The following CDH4 variants were observed in gnomAD, a reference collection of about 807,000 sequenced individuals.
CDH4 encodes cadherin 4.
Under a neutral mutation model 86.0 loss-of-function variants are expected in CDH4, and 33 were observed. The ratio of observed to expected loss-of-function variants is 0.38; its 90% CI spans 0.29 to 0.51. The LOEUF is 0.51. Among genes scored for constraint, CDH4 ranks in the 20% least tolerant of loss-of-function variants. The pLI is 0.86. For missense variants in CDH4, 1,114 were observed against 1,307.4 expected (o/e 0.85, Z 2.28); for synonymous variants, 555 against 549.4 (o/e 1.01, Z -0.14).
At chr20:61,621,954 G>A (rs1372662510) in intron 2 of CDH4, among the ~76,000 whole-genome samples, 1 of 152,184 alleles carries the variant, frequency 6.6e-6, no homozygotes, top group African/African-American at 2.4e-5. Context: ...TCCTGTCAAA[G>A]CTCTGTGTTC....
In CDH4 at chr20:61,516,180, G is replaced by A. The variant is rs1032501152; in HGVS notation, c.170-227383G>A. 1.3e-5 allele frequency among the ~76,000 whole-genome samples: 2 copies of A among 152,164 alleles called. No homozygotes were observed. Among genetic ancestry groups the A allele is most frequent in the Non-Finnish European group, 2.9e-5 (2 of 68,022 alleles). On this transcript the variant is annotated intron_variant, in intron 2 of 15. Coordinates refer to ENST00000614565, the MANE Select transcript of CDH4 (RefSeq NM_001794.5). This position sits in a 1 kb window ranked among gnomAD's most constrained non-coding sequence, Gnocchi z 4.0. ...TGGGCCGTGGGCCGGAGGGGACGCT[G>A]GCCACCTCTCTTACCCTAGAAGCTG...
intron 2 of CDH4, among the ~76,000 whole-genome samples, chr20:61,312,096 A>ATG (rs1717363171): frequency 1.3e-5 from 2 of 148,752 alleles, no homozygotes; most frequent in Non-Finnish European, 3.0e-5. Flanking sequence ...ATGTATGTGC[A>ATG]TGTGTGTGAT....
At chr20:61,273,096 T>G (rs1600822354) in intron 2 of CDH4, among the ~76,000 whole-genome samples, 4 of 71,912 alleles carry the variant, frequency 5.6e-5, no homozygotes, top group Admixed American at 2.0e-4. Context: ...ATTGGGGGAG[T>G]ACCACGTGCA....
chr20:61,474,906 CA>C (rs1308945632), intron 2 of CDH4, among the ~76,000 whole-genome samples: 2 of 152,140 alleles, frequency 1.3e-5, no homozygotes, highest in African/African-American at 2.4e-5. Flanking sequence ...GTGCACGCTG[CA>C]GAGTTTGGTT....
At chr20:61,751,146 C>T (rs1276472796) in intron 3 of CDH4, among the ~76,000 whole-genome samples, 4 of 152,194 alleles carry the variant, frequency 2.6e-5, no homozygotes, top group East Asian at 1.9e-4. Flanking sequence ...ATGGAAAGGG[C>T]GAAGGTAGCC....
intron 9 of CDH4, among the ~76,000 whole-genome samples, chr20:61,913,812 G>A (rs1350292334): frequency 6.6e-6 from 1 of 152,206 alleles, no homozygotes; most frequent in Non-Finnish European, 1.5e-5. Context: ...GCAGAGAGGA[G>A]GTGCTGACAG....
intron 2 of CDH4, among the ~76,000 whole-genome samples, chr20:61,682,641 A>C (rs796513716): frequency 5.9e-5 from 9 of 152,210 alleles, no homozygotes; most frequent in African/African-American, 2.2e-4. Context: ...ACAGGGCATT[A>C]AAACTCATTA....
chr20:61,771,649 CAGGTGCAGT>C (rs1386675898), intron 3 of CDH4, among the ~76,000 whole-genome samples: 3 of 148,542 alleles, frequency 2.0e-5, no homozygotes, highest in Admixed American at 6.7e-5. Flanking sequence ...GGAAAAAATG[CAGGTGCAGT>C]TGATGCTGTA....
intron 2 of CDH4, among the ~76,000 whole-genome samples, chr20:61,274,277 G>T (rs1348698323): frequency 7.2e-6 from 1 of 139,464 alleles, no homozygotes; most frequent in African/African-American, 2.8e-5. Context: ...GTGCAGTTTG[G>T]GGGAGTACCA....
At chr20:61,309,195 C>G (rs969038442) in intron 2 of CDH4, among the ~76,000 whole-genome samples, 1 of 152,226 alleles carries the variant, frequency 6.6e-6, no homozygotes, top group Non-Finnish European at 1.5e-5. Flanking sequence ...GAGCTGGGTC[C>G]TGAGGCCAGC....
In CDH4 at chr20:61,461,188, AT is replaced by A. The variant is rs571338181; in HGVS notation, c.169+206260del. Among the ~76,000 whole-genome samples the A allele has an allele frequency of 1.1e-4, 17 of 151,914 alleles. 1 individual carries two copies. The highest frequency in any genetic ancestry group is 6.8e-3 in the Middle Eastern group (2 of 294). ...GAGAATATTGATAATCTAGGAAGCCATTTTTTTTTAAAAAAAATGCAAAATC... is the reference window on the plus strand; with the variant it reads ...GAGAATATTGATAATCTAGGAAGCCATTTTTTTTAAAAAAAATGCAAAATC... On this transcript the variant is annotated intron_variant, in intron 2 of 15. Coordinates refer to ENST00000614565, the MANE Select transcript of CDH4 (RefSeq NM_001794.5).
intron 6 of CDH4, among the ~76,000 whole-genome samples, chr20:61,853,989 C>A (rs1029049670): frequency 2.0e-5 from 3 of 152,164 alleles, no homozygotes; most frequent in Non-Finnish European, 4.4e-5. Context: ...AAAGTGTGGC[C>A]TAAGCACCAT....
intron 2 of CDH4, among the ~76,000 whole-genome samples, chr20:61,598,076 C>G (rs908638662): frequency 6.6e-6 from 1 of 152,240 alleles, no homozygotes; most frequent in Non-Finnish European, 1.5e-5. Flanking sequence ...TCAGTGAACA[C>G]ATGCCAAGCT....
chr20:61,285,950 C>A (rs929077796), intron 2 of CDH4, among the ~76,000 whole-genome samples: 1 of 152,196 alleles, frequency 6.6e-6, no homozygotes, highest in South Asian at 2.1e-4. Context: ...ATCCCAGATC[C>A]GGACACCTGA....
In CDH4 at chr20:61,807,616, G is replaced by A. The variant is rs1205229290; in HGVS notation, c.576+34434G>A. 2.0e-5 allele frequency among the ~76,000 whole-genome samples: 3 copies of A among 152,196 alleles called. No individual in the cohort carries two copies. The highest frequency in any genetic ancestry group is 4.4e-5 in the Non-Finnish European group (3 of 68,040). ...TGCAGGGCTGGTTGGTGTGAGGCCA[G>A]CCACAGAGTGGTGGCCAAATAGCAT... On this transcript the variant is annotated intron_variant, in intron 4 of 15. Coordinates refer to ENST00000614565, the MANE Select transcript of CDH4 (RefSeq NM_001794.5). The surrounding 1 kb of genome is among the most constrained non-coding windows in gnomAD (Gnocchi z 4.5).
chr20:61,371,125 G>A (rs912779622), intron 2 of CDH4, among the ~76,000 whole-genome samples: 4 of 152,216 alleles, frequency 2.6e-5, no homozygotes, highest in Admixed American at 1.3e-4. Context: ...GCACTGGAGC[G>A]TGTAATCTGA....
chr20:61,775,585 G>A (rs1447516336), intron 4 of CDH4, among the ~76,000 whole-genome samples: 3 of 152,210 alleles, frequency 2.0e-5, no homozygotes, highest in Non-Finnish European at 4.4e-5. Flanking sequence ...ACAGGGAGTG[G>A]GCTGGGTTAG....
chr20:61,873,969 T>C, intron 7 of CDH4, 69 bp downstream of exon 7: 1 of 1,540,036 alleles, frequency 6.5e-7, no homozygotes, highest in African/African-American at 1.4e-5. Flanking sequence ...CACAGGACCC[T>C]CGGGGAGCCT....
At position 61,425,824 on chromosome 20, in the gene CDH4, C is replaced by A. The variant is rs544752883; in HGVS notation, c.169+170887C>A. On this transcript the variant is annotated intron_variant, in intron 2 of 15. Coordinates refer to ENST00000614565, the MANE Select transcript of CDH4 (RefSeq NM_001794.5). ...ACATTCTCAAAGGCCCCGCCCAGGG[C>A]AGGATGGCCAATTGCAGTACATTCT... 6.1e-4 allele frequency among the ~76,000 whole-genome samples: 92 copies of A among 150,658 alleles called. 2 individuals are homozygous for A. Among genetic ancestry groups the A allele is most frequent in the Non-Finnish European group, 2.4e-4 (16 of 67,780 alleles).
Sources: allele counts gnomAD v4.1 joint callset (sites outside exome capture counted in the v4.1 genomes callset), GRCh38; gene constraint gnomAD v4.1.1; non-coding constraint Gnocchi (gnomAD v3.1); transcripts MANE v1.5; gene names NCBI Gene and HGNC (gene_info 2026-07-23, HGNC 2026-07-21).